Variants in GRID2IP observed in about 807,000 individuals in gnomAD.
GRID2IP encodes Grid2 interacting protein.
GRID2IP carries 78 observed loss-of-function variants against 114.3 expected under a neutral mutation model. The ratio of observed to expected loss-of-function variants is 0.68; its 90% CI spans 0.57 to 0.82. The LOEUF is 0.82. Ranked by LOEUF, GRID2IP falls within the 40% of genes least tolerant of loss-of-function variation. GRID2IP has a pLI of 0.00. For synonymous variants in GRID2IP, 809 were observed against 724.0 expected, an observed-to-expected ratio of 1.12 and a Z score of -1.89; for missense variants, 1,727 against 1,678.5, an observed-to-expected ratio of 1.03 and a Z score of -0.51.
At chr7:6,502,191 T>G (rs534093411) in intron 18 of GRID2IP, 73 bp from the exon 19 acceptor site, 1 of 1,354,824 alleles carries the variant, frequency 7.4e-7, no homozygotes, top group South Asian at 1.3e-5. Context: ...CAGCTTCTCC[T>G]GGACTACTGT....
At chr7:6,517,800 G>A (rs1779338120) in intron 7 of GRID2IP, among the ~76,000 whole-genome samples, 1 of 152,040 alleles carries the variant, frequency 6.6e-6, no homozygotes, top group Non-Finnish European at 1.5e-5. Flanking sequence ...CTACTCAGGA[G>A]GCTGAGGCAG....
chr7:6,546,387 G>C (rs1779888198), intron 1 of GRID2IP, among the ~76,000 whole-genome samples: 2 of 151,026 alleles, frequency 1.3e-5, no homozygotes, highest in South Asian at 2.1e-4. Flanking sequence ...AAGCCACCAA[G>C]CCTGGCCTGT....
intron 7 of GRID2IP, among the ~76,000 whole-genome samples, chr7:6,515,538 G>A (rs984366289): frequency 1.3e-4 from 20 of 152,120 alleles, no homozygotes; most frequent in African/African-American, 4.8e-4. Context: ...AGCACTTTGG[G>A]AGGCTGAGGC....
chr7:6,529,377 G>A (rs920725711), intron 2 of GRID2IP, among the ~76,000 whole-genome samples: 1 of 151,980 alleles, frequency 6.6e-6, no homozygotes, highest in Non-Finnish European at 1.5e-5. Context: ...CTTGAACCGG[G>A]GAGACAGAGG....
In GRID2IP at chr7:6,507,914, T is replaced by A. The variant is rs1226625617; in HGVS notation, c.2544+71A>T. ...TGTTGGAAGATGCCTGGCCGATGGG[T>A]TTTCCTTCAGTGCTGCTGCCCAAGC... is the stretch of plus-strand genomic sequence containing the variant. On this transcript the variant is annotated intron_variant, in intron 13 of 21. Transcript: ENST00000457091. The surrounding 1 kb of genome is among the most constrained non-coding windows in gnomAD (Gnocchi z 5.3). The A allele has an allele frequency of 4.3e-5, 65 of 1,523,972 alleles. No homozygotes were observed. The highest frequency in any genetic ancestry group is 5.7e-5 in the Non-Finnish European group (65 of 1,134,692). 94.4% of individuals were successfully genotyped at this position (1,523,972 alleles called of 1,614,324 possible).
At chr7:6,533,228 T>G (rs1188994685) in intron 2 of GRID2IP, among the ~76,000 whole-genome samples, 1 of 152,266 alleles carries the variant, frequency 6.6e-6, no homozygotes, top group East Asian at 1.9e-4. Context: ...AGCTCCTAAA[T>G]GTCAGCAGTG....
intron 14 of GRID2IP, 96 bp from the exon 15 acceptor site, chr7:6,504,966 C>G: frequency 1.1e-6 from 1 of 946,152 alleles, no homozygotes; most frequent in East Asian, 2.6e-5. Context: ...GCCACTATCC[C>G]CCTAAGCACG....
Position 6,521,939 on chromosome 7 carries a change from G to C in GRID2IP, c.938C>G (p.Ala313Gly), listed in dbSNP as rs1230649466. 3 of 1,551,354 alleles carry C rather than the reference G, an allele frequency of 1.9e-6. No homozygotes were observed. The Admixed American group carries it at 5.9e-5, about 30-fold the overall frequency. Residue 313 changes from alanine (A) to glycine (G), a missense_variant, in exon 5 of 22, where the codon GCT (alanine) becomes GGT (glycine). Ala to Gly is a moderately conservative substitution (Grantham distance 60). Coordinates refer to ENST00000457091, the MANE Select transcript of GRID2IP (RefSeq NM_001145118.2). This position sits in a 1 kb window ranked among gnomAD's most constrained non-coding sequence, Gnocchi z 4.1. ...GATCCGGTCACCTGACTTGAGGGCA[G>C]CATTGTCAGCTGGGCTCCCTGGAAG... ...SVLPGSPADN[A>G]ALKSGDRILF...
Position 6,503,097 on chromosome 7 carries a change from TCTC to T in GRID2IP, c.2971_2973del (p.Glu991del), listed in dbSNP as rs1459490746. The T allele has an allele frequency of 1.9e-6, 3 of 1,550,996 alleles. No homozygotes were observed. The highest frequency in any genetic ancestry group is 4.9e-5 in the East Asian group (2 of 40,908). ...AGGCTGCCTCGGATCTCCTCTGTCT[TCTC>T]CTGGAGGGTGGCCTGGAAGTGGAGG... On this transcript the variant is annotated inframe_deletion, in exon 17 of 22. Transcript: ENST00000457091.
In GRID2IP at chr7:6,521,936, G is replaced by A. The variant is rs1015263620; in HGVS notation, c.941C>T (p.Ala314Val). 10 of 1,551,334 alleles carry A rather than the reference G, an allele frequency of 6.4e-6. No homozygotes were observed. The highest frequency in any genetic ancestry group is 1.4e-5 in the African/African-American group (1 of 73,016). The change falls in exon 5 of 22, where the codon GCC (alanine) becomes GTC (valine). Residue 314 changes from alanine to valine, a missense_variant. Ala to Val is a moderately conservative substitution (Grantham distance 64). Transcript: ENST00000457091. This position sits in a 1 kb window ranked among gnomAD's most constrained non-coding sequence, Gnocchi z 4.1. Reference sequence around the variant, plus strand: ...GAGGATCCGGTCACCTGACTTGAGGGCAGCATTGTCAGCTGGGCTCCCTGG... The same window carrying A: ...GAGGATCCGGTCACCTGACTTGAGGACAGCATTGTCAGCTGGGCTCCCTGG... ...VLPGSPADNA[A>V]LKSGDRILFL...
intron 1 of GRID2IP, 52 bp from the exon 2 acceptor site, chr7:6,539,924 G>A: frequency 6.8e-7 from 1 of 1,480,930 alleles, no homozygotes; most frequent in Non-Finnish European, 9.1e-7. Context: ...GTGGAACCCT[G>A]GAGAACTGCT....
intron 1 of GRID2IP, 37 bp downstream of exon 1, chr7:6,550,971 C>CCCCGG: frequency 8.6e-7 from 1 of 1,168,590 alleles, no homozygotes; most frequent in Non-Finnish European, 1.1e-6. Flanking sequence ...TATGAGCCCC[C>CCCCGG]TCCTTCCCGC....
At position 6,508,328 on chromosome 7, in the gene GRID2IP, C is replaced by G; in HGVS notation, c.2201G>C (p.Ser734Thr). 6.4e-7 allele frequency: 1 copy of G among 1,551,456 alleles called. No homozygotes were observed. Among genetic ancestry groups the G allele is most frequent in the Non-Finnish European group, 8.7e-7 (1 of 1,147,044 alleles). Residue 734 changes from serine (S) to threonine (T), a missense_variant, in exon 13 of 22, where the codon AGT becomes ACT. Physicochemically the swap from Ser to Thr is moderately conservative, Grantham distance 58. Coordinates refer to ENST00000457091, the MANE Select transcript of GRID2IP (RefSeq NM_001145118.2). The surrounding 1 kb of genome is among the most constrained non-coding windows in gnomAD (Gnocchi z 5.6). ...RSSASDCISSSEEGSSLTYSS... is the reference protein window; with the variant it reads ...RSSASDCISSTEEGSSLTYSS... ...GTAGGTCAGGGAGCTGCCTTCTTCACTGCTGCTGATGCAGTCGCTGGCGCT... is the reference window on the plus strand; with the variant it reads ...GTAGGTCAGGGAGCTGCCTTCTTCAGTGCTGCTGATGCAGTCGCTGGCGCT...
At chr7:6,518,141 G>A (rs1337563090) in intron 7 of GRID2IP, among the ~76,000 whole-genome samples, 2 of 151,634 alleles carry the variant, frequency 1.3e-5, no homozygotes, top group Non-Finnish European at 2.9e-5. Flanking sequence ...GAGGCACAAG[G>A]ATCACTTCAG....
chr7:6,525,726 CA>C (rs1779497330), intron 4 of GRID2IP, among the ~76,000 whole-genome samples: 2 of 152,122 alleles, frequency 1.3e-5, no homozygotes, highest in South Asian at 2.1e-4. Flanking sequence ...CCATATTCAG[CA>C]GGTGTTAGAC....
At chr7:6,538,565 T>G (rs1000710090) in intron 2 of GRID2IP, among the ~76,000 whole-genome samples, 2 of 139,820 alleles carry the variant, frequency 1.4e-5, no homozygotes, top group African/African-American at 2.7e-5. Flanking sequence ...AGACCCTGTC[T>G]CAAAACAAAA....
rs760656597 is a variant in GRID2IP, at chr7:6,508,046, A to C, written c.2483T>G (p.Met828Arg). The C allele has an allele frequency of 2.0e-6, 3 of 1,524,124 alleles. No individual in the cohort carries two copies. The South Asian group carries it at 3.6e-5, about 18-fold the overall frequency. 94.4% of individuals were successfully genotyped at this position (1,524,124 alleles called of 1,614,324 possible). ...TTCCCACCGCAAGCGCTTGACGCTC[A>C]TGTGGCTGGTCTCACTGCGCCGGTG... ...LGHRRSETSH[M>R]SVKRLRWEQV... Residue 828 changes from methionine to arginine, a missense_variant, in exon 13 of 22, where the codon ATG becomes AGG. Transcript: ENST00000457091. The surrounding 1 kb of genome is among the most constrained non-coding windows in gnomAD (Gnocchi z 5.6).
Position 6,506,143 on chromosome 7 carries a change from C to T in GRID2IP, c.2545-236G>A, listed in dbSNP as rs573758492. On this transcript the variant is annotated intron_variant, in intron 13 of 21. Transcript: ENST00000457091. The surrounding 1 kb of genome is among the most constrained non-coding windows in gnomAD (Gnocchi z 5.2). ...GAGACTCAAGACTTGGAACACTACT[C>T]GTGCAGAAGCCAGCAAGGTGGGACT... 1.2e-4 allele frequency among the ~76,000 whole-genome samples: 18 copies of T among 152,328 alleles called. No individual in the cohort carries two copies. In the South Asian group the frequency reaches 2.9e-3, roughly 25 times the overall value.
chr7:6,538,538 G>A (rs1461036918), intron 2 of GRID2IP, among the ~76,000 whole-genome samples: 1 of 151,156 alleles, frequency 6.6e-6, no homozygotes, highest in Non-Finnish European at 1.5e-5. Flanking sequence ...CTGCCCTCCT[G>A]CCTGGGCGAC....
Sources: gnomAD v4.1 joint callset for allele counts (sites outside exome capture counted in the v4.1 genomes callset) on GRCh38, gnomAD v4.1.1 for gene constraint, Gnocchi (gnomAD v3.1) non-coding constraint, MANE v1.5 for transcripts, NCBI Gene and HGNC (gene_info 2026-07-23, HGNC 2026-07-21) for gene names.